Variants in PTDSS1 observed in about 807,000 individuals in gnomAD.
PTDSS1 encodes the protein PSS-1.
PTDSS1 carries 45 observed loss-of-function variants against 70.5 expected under a neutral mutation model. That is an observed-to-expected ratio of 0.64 (90% confidence interval 0.50 to 0.82). PTDSS1 has a LOEUF of 0.82. Ranked by LOEUF, PTDSS1 falls within the 40% of genes least tolerant of loss-of-function variation. The pLI, the probability that PTDSS1 is intolerant of heterozygous loss-of-function variation, is 0.00. For synonymous variants in PTDSS1, 188 were observed against 203.8 expected (o/e 0.92, Z 0.66); for missense variants, 417 against 586.1 (o/e 0.71, Z 2.98).
intron 1 of PTDSS1, among the ~76,000 whole-genome samples, chr8:96,264,342 A>T (rs1191978628): frequency 6.6e-6 from 1 of 152,248 alleles, no homozygotes; most frequent in Non-Finnish European, 1.5e-5. Context: ...GCAAGTATTA[A>T]GTGCTTAATA....
intron 5 of PTDSS1, among the ~76,000 whole-genome samples, chr8:96,299,270 G>T (rs954925507): frequency 1.3e-5 from 2 of 152,120 alleles, no homozygotes; most frequent in African/African-American, 4.8e-5. Context: ...ATATCTAGGG[G>T]ATATTTTTGA....
chr8:96,313,140 G>A (rs1811236262), intron 9 of PTDSS1, among the ~76,000 whole-genome samples: 1 of 152,156 alleles, frequency 6.6e-6, no homozygotes, highest in Admixed American at 6.5e-5. Flanking sequence ...CTCCTGAAGA[G>A]GGTACTTTCT....
intron 12 of PTDSS1, among the ~76,000 whole-genome samples, chr8:96,331,885 C>G (rs1811521085): frequency 6.6e-6 from 1 of 151,718 alleles, no homozygotes; most frequent in Non-Finnish European, 1.5e-5. Context: ...CCTGTCTCTA[C>G]AAAAATCTTA....
chr8:96,333,494 C>A lies in PTDSS1; in HGVS notation c.1350C>A (p.Asn450Lys). The A allele has an allele frequency of 6.2e-7, 1 of 1,614,006 alleles. No homozygotes were observed. Among genetic ancestry groups the A allele is most frequent in the South Asian group, 1.1e-5 (1 of 91,082 alleles). The change falls in exon 13 of 13, where the codon AAC becomes AAA. Residue 450 changes from asparagine (N) to lysine (K), a missense_variant. Around this residue, in one of 3 missense-constraint regions of PTDSS1, gnomAD observed 107 missense variants for 122.3 expected, o/e 0.88. Transcript: ENST00000517309. ...EDSPPKHAGNNESHSSRRRNR... is the reference protein window; with the variant it reads ...EDSPPKHAGNKESHSSRRRNR... ...GCCCACCCAAGCATGCAGGCAACAA[C>A]GAAAGCCATTCTTCCAGGAGAAGGA...
chr8:96,327,026 A>T (rs1013658633), intron 10 of PTDSS1, among the ~76,000 whole-genome samples: 7 of 152,148 alleles, frequency 4.6e-5, no homozygotes, highest in African/African-American at 1.7e-4. Flanking sequence ...AGATTGGAGG[A>T]TATAGGAGAA....
At chr8:96,310,298 G>GGGATTACAGGTGC (rs1184293609) in intron 9 of PTDSS1, among the ~76,000 whole-genome samples, 7 of 150,720 alleles carry the variant, frequency 4.6e-5, no homozygotes, top group Non-Finnish European at 8.9e-5. Context: ...CCAAGTAGCT[G>GGGATTACAGGTGC]GGATTACAGG....
At chr8:96,302,450 G>A (rs1457431328) in intron 6 of PTDSS1, among the ~76,000 whole-genome samples, 1 of 152,118 alleles carries the variant, frequency 6.6e-6, no homozygotes, top group Admixed American at 6.6e-5. Context: ...CAGTCCTGAG[G>A]GTAGACACTG....
At chr8:96,272,923 G>C (rs572831020) in intron 1 of PTDSS1, among the ~76,000 whole-genome samples, 1 of 152,228 alleles carries the variant, frequency 6.6e-6, no homozygotes, top group African/African-American at 2.4e-5. Flanking sequence ...AAGCCAGAAG[G>C]CATCACAGGT....
chr8:96,330,982 G>C, intron 11 of PTDSS1, 44 bp from the exon 12 acceptor site: 1 of 1,544,444 alleles, frequency 6.5e-7, no homozygotes, highest in East Asian at 2.2e-5. Context: ...ACTTCTCCCA[G>C]GGAGTTCCTA....
At chr8:96,307,361 G>A (rs1241238047) in intron 8 of PTDSS1, among the ~76,000 whole-genome samples, 2 of 148,976 alleles carry the variant, frequency 1.3e-5, no homozygotes, top group East Asian at 3.9e-4. Context: ...CATAAGCAGC[G>A]GGCCTCACTT....
chr8:96,298,533 T>TA (rs1368123490), intron 5 of PTDSS1, among the ~76,000 whole-genome samples: 1 of 152,164 alleles, frequency 6.6e-6, no homozygotes, highest in Non-Finnish European at 1.5e-5. Flanking sequence ...CCCTTGATCT[T>TA]ACTGTTTCCC....
chr8:96,316,652 T>C (rs1260136815), intron 9 of PTDSS1, among the ~76,000 whole-genome samples: 1 of 152,064 alleles, frequency 6.6e-6, no homozygotes, highest in Non-Finnish European at 1.5e-5. Context: ...TTCCTACACA[T>C]GTACCCCCTG....
intron 10 of PTDSS1, among the ~76,000 whole-genome samples, chr8:96,329,844 G>C (rs1563587326): frequency 6.6e-6 from 1 of 152,166 alleles, no homozygotes; most frequent in Non-Finnish European, 1.5e-5. Context: ...CTGTGATGGG[G>C]AAGCCGGGAG....
chr8:96,287,603 C>T (rs763854499), intron 4 of PTDSS1, among the ~76,000 whole-genome samples: 1 of 152,248 alleles, frequency 6.6e-6, no homozygotes, highest in Non-Finnish European at 1.5e-5. Flanking sequence ...CCCTGGGTCA[C>T]GGTGGCTGCC....
In PTDSS1 at chr8:96,299,674, T is replaced by C. The variant is rs200369557; in HGVS notation, c.601-20T>C. ...CCAGTTTTGTTTATTTTTCCAACCA[T>C]GGGCTCTTGTGTTTCTCAGCTCTTC... On this transcript the variant is annotated intron_variant, in intron 5 of 12. Coordinates refer to ENST00000517309, the MANE Select transcript of PTDSS1 (RefSeq NM_014754.3). The C allele has an allele frequency of 1.3e-6, 2 of 1,589,298 alleles. No homozygotes were observed. Among genetic ancestry groups the C allele is most frequent in the Admixed American group, 1.9e-5 (1 of 53,690 alleles).
At chr8:96,280,778 A>G (rs556079058) in intron 2 of PTDSS1, among the ~76,000 whole-genome samples, 9 of 152,312 alleles carry the variant, frequency 5.9e-5, no homozygotes, top group Non-Finnish European at 1.3e-4. Flanking sequence ...AGCTTTTATC[A>G]AATCCGATAT....
Position 96,262,285 on chromosome 8 carries a change from C to CG in PTDSS1, c.179+70dup. The CG allele has an allele frequency of 3.4e-6, 1 of 297,722 alleles. No homozygotes were observed. The highest frequency in any genetic ancestry group is 6.6e-6 in the Non-Finnish European group (1 of 150,480). The allele number at this position is 297,722 out of a possible 1,614,324, so 18.4% of individuals were successfully genotyped here. ...AGGGAAGAGGCGGGAGGGAGGGTGG[C>CG]GGGGAGGGGGGCCCGGCATGGCTCT... is the stretch of plus-strand genomic sequence containing the variant. On this transcript the variant is annotated intron_variant, in intron 1 of 12. Coordinates refer to ENST00000517309, the MANE Select transcript of PTDSS1 (RefSeq NM_014754.3). The surrounding 1 kb of genome is among the most constrained non-coding windows in gnomAD (Gnocchi z 4.4).
At chr8:96,307,548 C>T (rs1299464543) in intron 8 of PTDSS1, among the ~76,000 whole-genome samples, 1 of 150,306 alleles carries the variant, frequency 6.7e-6, no homozygotes, top group African/African-American at 2.4e-5. Flanking sequence ...GCCTAACATT[C>T]CCATCTGTTC....
intron 1 of PTDSS1, among the ~76,000 whole-genome samples, chr8:96,269,119 G>T (rs1437369287): frequency 6.6e-6 from 1 of 152,212 alleles, no homozygotes; most frequent in African/African-American, 2.4e-5. Context: ...TTAGCAGAGA[G>T]CGAGGAAGAC....
Sources: allele counts gnomAD v4.1 joint callset (sites outside exome capture counted in the v4.1 genomes callset), GRCh38; gene constraint gnomAD v4.1.1; regional missense constraint gnomAD v4.1.1; non-coding constraint Gnocchi (gnomAD v3.1); transcripts MANE v1.5; gene names NCBI Gene and HGNC (gene_info 2026-07-23, HGNC 2026-07-21).